The following ARK2C variants were observed in gnomAD, a reference collection of about 807,000 sequenced individuals.
ARK2C encodes E3 ubiquitin-protein ligase ARK2C.
the ARK2C span, chr18:46,337,606 T>C: frequency 1.0e-6 from 1 of 984,682 alleles, no homozygotes; most frequent in Non-Finnish European, 1.2e-6. Context: ...AATCCACTAA[T>C]ACTAATATAC....
At chr18:46,373,761 C>A in the ARK2C span, among the ~76,000 whole-genome samples, 1 of 152,150 alleles carries the variant, frequency 6.6e-6, no homozygotes, top group Non-Finnish European at 1.5e-5. Context: ...TTATCTGAAT[C>A]TTACACGTGG....
the ARK2C span, among the ~76,000 whole-genome samples, chr18:46,405,880 A>G: frequency 6.6e-6 from 1 of 151,976 alleles, no homozygotes; most frequent in African/African-American, 2.4e-5. Flanking sequence ...CATCCCCTGT[A>G]TCAACCTTCC....
the ARK2C span, among the ~76,000 whole-genome samples, chr18:46,409,844 T>G: frequency 6.6e-6 from 1 of 152,238 alleles, no homozygotes; most frequent in Non-Finnish European, 1.5e-5. Flanking sequence ...ATAATGCATG[T>G]TCTCCTATTG....
At chr18:46,351,154 T>C in the ARK2C span, among the ~76,000 whole-genome samples, 7 of 152,204 alleles carry the variant, frequency 4.6e-5, no homozygotes, top group Non-Finnish European at 8.8e-5. Flanking sequence ...GAGGAGGCCC[T>C]GGAAGATCAC....
chr18:46,456,424 C>T, the ARK2C span: 3 of 871,122 alleles, frequency 3.4e-6, no homozygotes, highest in Admixed American at 2.0e-5. Flanking sequence ...CCTCCATAGC[C>T]GGGCAGTTCC....
chr18:46,416,638 T>C, the ARK2C span, among the ~76,000 whole-genome samples: 1 of 152,148 alleles, frequency 6.6e-6, no homozygotes, highest in African/African-American at 2.4e-5. Context: ...AGTCAGTGGG[T>C]TGGTAATTTG....
At chr18:46,418,048 A>G in the ARK2C span, among the ~76,000 whole-genome samples, 5 of 151,824 alleles carry the variant, frequency 3.3e-5, no homozygotes, top group African/African-American at 1.2e-4. Flanking sequence ...ATTTTTTTCT[A>G]GCAGCCACAT....
At chr18:46,441,256 T>A in the ARK2C span, among the ~76,000 whole-genome samples, 1 of 152,130 alleles carries the variant, frequency 6.6e-6, no homozygotes, top group Non-Finnish European at 1.5e-5. Context: ...CCTCCCAAAG[T>A]GCTGGGATTA....
At chr18:46,345,099 G>GGATGCAGGGGTGCCTGC in the ARK2C span, among the ~76,000 whole-genome samples, 1 of 152,160 alleles carries the variant, frequency 6.6e-6, no homozygotes, top group Non-Finnish European at 1.5e-5. Flanking sequence ...GGGGTGCCTG[G>GGATGCAGGGGTGCCTGC]GATGCAGGGG....
chr18:46,403,683 G>GT, the ARK2C span, among the ~76,000 whole-genome samples: 2 of 152,108 alleles, frequency 1.3e-5, no homozygotes, highest in African/African-American at 4.8e-5. Flanking sequence ...TTCGAGACCA[G>GT]TCTGGCCAAC....
chr18:46,383,831 G>T, the ARK2C span, among the ~76,000 whole-genome samples: 1 of 151,156 alleles, frequency 6.6e-6, no homozygotes, highest in East Asian at 1.9e-4. Flanking sequence ...GATCACAGGC[G>T]TGAGCCACCG....
At chr18:46,421,863 T>C in the ARK2C span, among the ~76,000 whole-genome samples, 1 of 152,166 alleles carries the variant, frequency 6.6e-6, no homozygotes, top group Non-Finnish European at 1.5e-5. Context: ...GAGCTTTTCA[T>C]TAGAGATCAA....
the ARK2C span, among the ~76,000 whole-genome samples, chr18:46,407,228 C>T: frequency 1.3e-5 from 2 of 152,138 alleles, no homozygotes; most frequent in Non-Finnish European, 2.9e-5. Flanking sequence ...AGTTTTCACC[C>T]CACAGAGTGG....
chr18:46,362,822 C>G, the ARK2C span, among the ~76,000 whole-genome samples: 2 of 152,186 alleles, frequency 1.3e-5, no homozygotes, highest in African/African-American at 4.8e-5. Flanking sequence ...GCACAACATA[C>G]GAGAGCCAAG....
chr18:46,427,314 G>A, the ARK2C span, among the ~76,000 whole-genome samples: 1 of 152,250 alleles, frequency 6.6e-6, no homozygotes, highest in South Asian at 2.1e-4. Context: ...CAGTGCGTCT[G>A]CTGGAGGGCA....
the ARK2C span, chr18:46,456,102 T>G: frequency 9.9e-6 from 14 of 1,408,232 alleles, no homozygotes; most frequent in African/African-American, 1.4e-5. Context: ...CCATTTTGAT[T>G]CCCTCTCCCC....
the ARK2C span, among the ~76,000 whole-genome samples, chr18:46,407,412 T>C: frequency 2.6e-5 from 4 of 152,222 alleles, no homozygotes; most frequent in Admixed American, 2.6e-4. Context: ...CTTTGTGACA[T>C]ATTGTCGTCA....
At chr18:46,363,582 T>C in the ARK2C span, among the ~76,000 whole-genome samples, 1 of 152,162 alleles carries the variant, frequency 6.6e-6, no homozygotes, top group Non-Finnish European at 1.5e-5. Context: ...TGCTGGTTGA[T>C]GTCCACTCAG....
the ARK2C span, among the ~76,000 whole-genome samples, chr18:46,393,873 G>A: frequency 2.6e-5 from 4 of 152,220 alleles, no homozygotes; most frequent in East Asian, 3.9e-4. Context: ...CTGCCACTTC[G>A]TGGCTCTGTG....
Sources: gnomAD v4.1 joint callset for allele counts (sites outside exome capture counted in the v4.1 genomes callset) on GRCh38, gnomAD v4.1.1 for gene constraint, MANE v1.5 for transcripts, NCBI Gene and HGNC (gene_info 2026-07-23, HGNC 2026-07-21) for gene names.